Variants in SLC35F6 observed in about 807,000 individuals in gnomAD.
The protein encoded by SLC35F6 is solute carrier family 35 member F6.
SLC35F6 carries 26 observed loss-of-function variants against 29.4 expected under a neutral mutation model. The ratio of observed to expected loss-of-function variants is 0.89; its 90% CI spans 0.65 to 1.23. SLC35F6 has a LOEUF of 1.23. SLC35F6 is among the 50% of genes most tolerant of loss of function. SLC35F6 has a pLI of 0.00. For synonymous variants in SLC35F6, 174 were observed against 206.6 expected (o/e 0.84, Z 1.35); for missense variants, 428 against 487.8 (o/e 0.88, Z 1.15).
chr2:26,769,131 G>T (rs1474352771), intron 1 of SLC35F6, among the ~76,000 whole-genome samples: 2 of 152,234 alleles, frequency 1.3e-5, no homozygotes, highest in Non-Finnish European at 2.9e-5. Flanking sequence ...CAGAGATTCT[G>T]TGGGAATGGC....
intron 1 of SLC35F6, among the ~76,000 whole-genome samples, chr2:26,773,565 CAA>C (rs1664241145): frequency 1.4e-5 from 2 of 145,890 alleles, no homozygotes; most frequent in South Asian, 4.3e-4. Context: ...ATACAGTTAT[CAA>C]ACACTTAAAA....
chr2:26,781,056 G>GGA lies in SLC35F6; in HGVS notation c.*2550_*2551dup, dbSNP rs1387601786. On this transcript the variant is annotated 3_prime_UTR_variant, in exon 6 of 6. Coordinates refer to ENST00000344420, the MANE Select transcript of SLC35F6 (RefSeq NM_017877.4). The stretch of plus-strand genomic sequence containing the variant: ...GAAGCAAATGGACAGTGAGGATGAT[G>GGA]GAGAGACTACAGCTGCCTTGTCTAA... 6.6e-6 allele frequency: 1 copy of GGA among 152,124 alleles called. No homozygotes were observed. The highest frequency in any genetic ancestry group is 1.5e-5 in the Non-Finnish European group (1 of 68,032). 9.4% of individuals were successfully genotyped at this position (152,124 alleles called of 1,614,324 possible).
At chr2:26,770,292 GCT>G (rs1664172889) in intron 1 of SLC35F6, among the ~76,000 whole-genome samples, 1 of 152,168 alleles carries the variant, frequency 6.6e-6, no homozygotes, top group Non-Finnish European at 1.5e-5. Context: ...TGTAGTCCCA[GCT>G]ACTCAGGAGG....
intron 1 of SLC35F6, chr2:26,764,830 G>A (rs368676357): frequency 5.1e-6 from 5 of 985,400 alleles, no homozygotes; most frequent in Non-Finnish European, 6.0e-6. Flanking sequence ...TGAGCGTGGA[G>A]GCCTCAAGCG....
chr2:26,767,289 G>GC (rs1327901636), intron 1 of SLC35F6, among the ~76,000 whole-genome samples: 1 of 152,226 alleles, frequency 6.6e-6, no homozygotes, highest in African/African-American at 2.4e-5. Flanking sequence ...CTCTCAGCCA[G>GC]CCCAGAGACA....
intron 1 of SLC35F6, among the ~76,000 whole-genome samples, chr2:26,768,928 C>T (rs1664141955): frequency 6.6e-6 from 1 of 152,200 alleles, no homozygotes; most frequent in African/African-American, 2.4e-5. Context: ...CAGGCATGCA[C>T]CACCACACCC....
chr2:26,766,918 A>AACCACCACTGGAGGGTGTGG (rs1475583398), intron 1 of SLC35F6, among the ~76,000 whole-genome samples: 1 of 152,234 alleles, frequency 6.6e-6, no homozygotes, highest in African/African-American at 2.4e-5. Context: ...CCATGCTCTT[A>AACCACCACTGGAGGGTGTGG]ACCACCACTG....
At position 26,765,393 on chromosome 2, in the gene SLC35F6, G is replaced by A. The variant is rs536084810; in HGVS notation, c.77+967G>A. 5.3e-5 allele frequency among the ~76,000 whole-genome samples: 8 copies of A among 152,354 alleles called. No individual in the cohort carries two copies. In the South Asian group the frequency reaches 1.0e-3, roughly 20 times the overall value. On this transcript the variant is annotated intron_variant, in intron 1 of 5. Coordinates refer to ENST00000344420, the MANE Select transcript of SLC35F6 (RefSeq NM_017877.4). ...GACCCAGGCAGTCATGAGACTGAGG[G>A]ACAGGGCCTAGCCTCCCCTCTGTTG...
chr2:26,772,984 G>A (rs2148057242), intron 1 of SLC35F6, among the ~76,000 whole-genome samples: 1 of 152,292 alleles, frequency 6.6e-6, no homozygotes, highest in Admixed American at 6.5e-5. Context: ...TGCCATGAGT[G>A]TGATGTCTTT....
intron 5 of SLC35F6, among the ~76,000 whole-genome samples, chr2:26,777,816 C>T (rs1472140876): frequency 1.3e-5 from 2 of 151,940 alleles, no homozygotes; most frequent in African/African-American, 4.8e-5. Flanking sequence ...GTATTTCTTA[C>T]TCTTGATCCA....
At position 26,775,269 on chromosome 2, in the gene SLC35F6, G is replaced by A. The variant is rs1417042240; in HGVS notation, c.322+54G>A. Reference sequence around the variant, plus strand: ...CTCAGGGGAAGCTGTGGCTGAAGGGGCTACTGGTGAAACAGCCCTATCCCA... The same window carrying A: ...CTCAGGGGAAGCTGTGGCTGAAGGGACTACTGGTGAAACAGCCCTATCCCA... On this transcript the variant is annotated intron_variant, in intron 3 of 5. Coordinates refer to ENST00000344420, the MANE Select transcript of SLC35F6 (RefSeq NM_017877.4). The surrounding 1 kb of genome is among the most constrained non-coding windows in gnomAD (Gnocchi z 4.6). 6.3e-7 allele frequency: 1 copy of A among 1,578,742 alleles called. No individual in the cohort carries two copies. Among genetic ancestry groups the A allele is most frequent in the Non-Finnish European group, 8.6e-7 (1 of 1,161,618 alleles).
At position 26,775,751 on chromosome 2, in the gene SLC35F6, C is replaced by T; in HGVS notation, c.535+75C>T. ...CTTGGGAGCCCAGCACAGACTCATA[C>T]AAGCTCTGCCATGTGCCATATACCA... On this transcript the variant is annotated intron_variant, in intron 4 of 5. Coordinates refer to ENST00000344420, the MANE Select transcript of SLC35F6 (RefSeq NM_017877.4). This position sits in a 1 kb window ranked among gnomAD's most constrained non-coding sequence, Gnocchi z 4.6. The T allele has an allele frequency of 6.9e-7, 1 of 1,440,456 alleles. No individual in the cohort carries two copies. Among genetic ancestry groups the T allele is most frequent in the Non-Finnish European group, 9.2e-7 (1 of 1,086,912 alleles). 89.2% of individuals were successfully genotyped at this position (1,440,456 alleles called of 1,614,324 possible).
rs565694949 is a variant in SLC35F6 at position 26,778,829 on chromosome 2, A to G, written c.*318A>G. ...GAATTTACCACCGTAGTGTATCTGA[A>G]TCATAAACTAGATTATCATAGTTAT... On this transcript the variant is annotated 3_prime_UTR_variant, in exon 6 of 6. Transcript: ENST00000344420. 4.8e-5 allele frequency: 17 copies of G among 351,244 alleles called. No homozygotes were observed. The highest frequency in any genetic ancestry group is 7.5e-4 in the Middle Eastern group (1 of 1,334). 21.8% of individuals were successfully genotyped at this position (351,244 alleles called of 1,614,324 possible).
intron 1 of SLC35F6, among the ~76,000 whole-genome samples, chr2:26,770,839 T>C (rs1664184924): frequency 6.6e-6 from 1 of 152,228 alleles, no homozygotes; most frequent in Non-Finnish European, 1.5e-5. Context: ...TGGGGCTGGA[T>C]TTTTGTTCTA....
In SLC35F6 at chr2:26,778,390, T is replaced by C. The variant is rs1175409878; in HGVS notation, c.995T>C (p.Leu332Pro). The C allele has an allele frequency of 6.2e-7, 1 of 1,614,096 alleles. No homozygotes were observed. The highest frequency in any genetic ancestry group is 1.7e-5 in the Admixed American group (1 of 60,022). Reference sequence around the variant, plus strand: ...CTCATACTCCTTATAGGCACTGCCCTCTACAATGGGCTACACCGTCCGCTG... The same window carrying C: ...CTCATACTCCTTATAGGCACTGCCCCCTACAATGGGCTACACCGTCCGCTG... ...GFLILLIGTA[L>P]YNGLHRPLLG... Residue 332 changes from leucine (L) to proline (P), a missense_variant, in exon 6 of 6, where the codon CTC becomes CCC. Physicochemically the swap from Leu to Pro is moderately conservative, Grantham distance 98 (BLOSUM62 -3). Transcript: ENST00000344420.
At chr2:26,767,779 G>A (rs1469768080) in intron 1 of SLC35F6, among the ~76,000 whole-genome samples, 1 of 152,136 alleles carries the variant, frequency 6.6e-6, no homozygotes, top group Admixed American at 6.6e-5. Context: ...GGCTGAGGTG[G>A]GATGATCATT....
rs1208337790 is a variant in SLC35F6 at position 26,778,036 on chromosome 2, C to T, written c.647-6C>T. The T allele has an allele frequency of 3.7e-6, 6 of 1,607,626 alleles. No individual in the cohort carries two copies. The highest frequency in any genetic ancestry group is 5.1e-6 in the Non-Finnish European group (6 of 1,175,526). On this transcript the variant is annotated splice_region_variant and splice_polypyrimidine_tract_variant and intron_variant, in intron 5 of 5. Transcript: ENST00000344420. ...GGAGAGTGTAACTGTTTCCTCTACT[C>T]CCCAGGCCTCTTTGGCTTTGTGATC...
rs140040020 is a variant in SLC35F6 at position 26,775,366 on chromosome 2, G to A, written c.323-98G>A. 16 of 1,525,064 alleles carry A rather than the reference G, an allele frequency of 1.0e-5. No individual in the cohort carries two copies. The highest frequency in any genetic ancestry group is 9.6e-5 in the African/African-American group (7 of 72,734). 94.5% of individuals were successfully genotyped at this position (1,525,064 alleles called of 1,614,324 possible). On this transcript the variant is annotated intron_variant, in intron 3 of 5. Transcript: ENST00000344420. The surrounding 1 kb of genome is among the most constrained non-coding windows in gnomAD (Gnocchi z 4.6). ...GGCACACAGGCAGGACTGATCGAGC[G>A]CTTACTATGAGCTTGGCATGTCTAT... is the stretch of plus-strand genomic sequence containing the variant.
chr2:26,769,123 G>C (rs974719381), intron 1 of SLC35F6, among the ~76,000 whole-genome samples: 1 of 152,222 alleles, frequency 6.6e-6, no homozygotes, highest in African/African-American at 2.4e-5. Context: ...GGAAGTGGCA[G>C]AGATTCTGTG....
Sources: allele counts gnomAD v4.1 joint callset (sites outside exome capture counted in the v4.1 genomes callset), GRCh38; gene constraint gnomAD v4.1.1; non-coding constraint Gnocchi (gnomAD v3.1); transcripts MANE v1.5; gene names NCBI Gene and HGNC (gene_info 2026-07-23, HGNC 2026-07-21).